FAM149A: variants seen among roughly 807,000 people sequenced by gnomAD.
FAM149A encodes the protein family with sequence similarity 149 member A.
Under a neutral mutation model 78.2 loss-of-function variants are expected in FAM149A, and 71 were observed. The observed-to-expected ratio is 0.91, with a 90% CI of 0.75 to 1.11. FAM149A has a LOEUF of 1.11. FAM149A is among the 50% of genes least tolerant of loss of function. The pLI is 0.00. For missense variants in FAM149A, 1,036 were observed against 971.0 expected (o/e 1.07, Z -0.89); for synonymous variants, 446 against 410.5 (o/e 1.09, Z -1.04).
At chr4:186,157,292 CT>C (rs1317738395) in intron 7 of FAM149A, among the ~76,000 whole-genome samples, 1 of 152,162 alleles carries the variant, frequency 6.6e-6, no homozygotes, top group African/African-American at 2.4e-5. Flanking sequence ...AAATCCTGTT[CT>C]TTTTCCAGTA....
rs1251930502 is a variant in FAM149A at position 186,133,230 on chromosome 4, T to C, written c.567-15943T>C. On this transcript the variant is annotated intron_variant, in intron 1 of 13. Coordinates refer to ENST00000389354, the MANE Select transcript of FAM149A (RefSeq NM_001367768.3). ...ATGAGACAGAATTTATTTTAACAAT[T>C]TTAAGTGTACCATTTAGTGGCATTA... is the stretch of plus-strand genomic sequence containing the variant. 3.1e-6 allele frequency: 3 copies of C among 978,778 alleles called. No homozygotes were observed. The East Asian group carries it at 3.4e-4, about 111-fold the overall frequency. 60.6% of individuals were successfully genotyped at this position (978,778 alleles called of 1,614,324 possible).
At chr4:186,131,610 A>G (rs2099320768) in intron 1 of FAM149A, among the ~76,000 whole-genome samples, 1 of 152,234 alleles carries the variant, frequency 6.6e-6, no homozygotes, top group Non-Finnish European at 1.5e-5. Context: ...TTTTCAATAA[A>G]TAGTGCGGAA....
At chr4:186,136,959 TCTCTTTCTCTCTCTCTTTC>T (rs1561396260) in intron 1 of FAM149A, among the ~76,000 whole-genome samples, 224 of 105,406 alleles carry the variant, frequency 2.1e-3, no homozygotes, top group Middle Eastern at 9.3e-3. Context: ...TCTCTCTCTC[TCTCTTTCTCTCTCTCTTTC>T]TCTCTCTCTC....
chr4:186,127,687 T>G (rs2099318909), intron 1 of FAM149A: 1 of 911,618 alleles, frequency 1.1e-6, no homozygotes, highest in African/African-American at 2.8e-5. Context: ...ATTCTGGTGG[T>G]TTTTGTTTTG....
chr4:186,159,990 ACT>A (rs1491081691), intron 8 of FAM149A, among the ~76,000 whole-genome samples: 5 of 146,250 alleles, frequency 3.4e-5, no homozygotes, highest in African/African-American at 1.3e-4. Context: ...ACACACACAC[ACT>A]GCACACATCC....
intron 13 of FAM149A, chr4:186,171,280 C>T (rs1735502473): frequency 6.6e-6 from 1 of 152,402 alleles, no homozygotes; most frequent in Non-Finnish European, 1.5e-5. Context: ...AGACGCACCG[C>T]TTCAGAGGAT....
intron 1 of FAM149A, among the ~76,000 whole-genome samples, chr4:186,116,163 G>GC (rs1397706431): frequency 9.3e-6 from 1 of 107,082 alleles, no homozygotes; most frequent in South Asian, 3.9e-4. Flanking sequence ...TTTTTCAGGT[G>GC]CGTCCGTCAC....
chr4:186,141,695 A>G (rs1269512077), intron 1 of FAM149A, among the ~76,000 whole-genome samples: 1 of 152,194 alleles, frequency 6.6e-6, no homozygotes, highest in Non-Finnish European at 1.5e-5. Context: ...AAACTGAAAA[A>G]TGGCCTCTGT....
At chr4:186,142,247 C>T (rs954547442) in intron 1 of FAM149A, among the ~76,000 whole-genome samples, 1 of 152,142 alleles carries the variant, frequency 6.6e-6, no homozygotes, top group African/African-American at 2.4e-5. Flanking sequence ...CTGGGGATGT[C>T]CTGGCTCTGT....
Position 186,163,422 on chromosome 4 carries a change from A to G in FAM149A, c.1680-2A>G. ...GAGTAGCTCACAGGATTTCCTTCCC[A>G]GGAATGAGAAGGAGGACAAAGCATC... On this transcript the variant is annotated splice_acceptor_variant, in intron 9 of 13. Coordinates refer to ENST00000389354, the MANE Select transcript of FAM149A (RefSeq NM_001367768.3). LOFTEE classifies it high-confidence loss of function. 3 of 1,612,726 alleles carry G rather than the reference A, an allele frequency of 1.9e-6. No homozygotes were observed. The highest frequency in any genetic ancestry group is 2.5e-6 in the Non-Finnish European group (3 of 1,179,544).
At chr4:186,151,743 G>C in intron 3 of FAM149A, 160 bp from the exon 4 acceptor site, 1 of 985,364 alleles carries the variant, frequency 1.0e-6, no homozygotes, top group Non-Finnish European at 1.2e-6. Context: ...AAAGGTAACA[G>C]CTAGAGCACA....
intron 1 of FAM149A, chr4:186,131,830 AAGTAAAAGTT>A: frequency 1.1e-6 from 1 of 938,060 alleles, no homozygotes; most frequent in Middle Eastern, 5.5e-4. Flanking sequence ...GCTAACCAAA[AAGTAAAAGTT>A]ACACTGCATT....
Position 186,147,112 on chromosome 4 carries a change from G to T in FAM149A, c.567-2061G>T, listed in dbSNP as rs543034042. ...ATAATAGCAGTGAGAGGACAGTGCG[G>T]TGGCTCATGCCTATAGTCCCAGCAG... On this transcript the variant is annotated intron_variant, in intron 1 of 13. Coordinates refer to ENST00000389354, the MANE Select transcript of FAM149A (RefSeq NM_001367768.3). Among the ~76,000 whole-genome samples, 4 of 152,342 alleles carry T rather than the reference G, an allele frequency of 2.6e-5. No individual in the cohort carries two copies. The South Asian group carries it at 8.3e-4, about 32-fold the overall frequency.
At chr4:186,137,438 G>A (rs547892203) in intron 1 of FAM149A, among the ~76,000 whole-genome samples, 189 of 152,154 alleles carry the variant, frequency 1.2e-3, no homozygotes, top group African/African-American at 4.2e-3. Context: ...TGCATGGTAC[G>A]CACTTTCTGT....
chr4:186,144,924 G>GGCGGGA lies in FAM149A; in HGVS notation c.567-4244_567-4243insAGCGGG, dbSNP rs1732888277. ...GCCGCCTGAGCTGGGCCAGCCGCGC[G>GGCGGGA]GCGGGCGCGGGCGCGGGCGCGGGCG... is the stretch of plus-strand genomic sequence containing the variant. On this transcript the variant is annotated intron_variant, in intron 1 of 13. Transcript: ENST00000389354. The surrounding 1 kb of genome is among the most constrained non-coding windows in gnomAD (Gnocchi z 4.2). The GGCGGGA allele has an allele frequency of 5.2e-6, 5 of 970,436 alleles. No individual in the cohort carries two copies. In the Admixed American group the frequency reaches 3.3e-4, roughly 63 times the overall value. 60.1% of individuals were successfully genotyped at this position (970,436 alleles called of 1,614,324 possible). A position where few individuals can be genotyped will look rare whatever the true frequency, so the allele number is the denominator to read the frequency against.
At chr4:186,131,887 T>C (rs1005576514) in intron 1 of FAM149A, 2 of 985,390 alleles carry the variant, frequency 2.0e-6, no homozygotes, top group Non-Finnish European at 2.4e-6. Flanking sequence ...ACAGACCATT[T>C]ACTGGAAGGT....
rs1265949938 is a variant in FAM149A, at chr4:186,151,917, C to T, written c.804C>T (p.Ala268=). 6.2e-7 allele frequency: 1 copy of T among 1,614,062 alleles called. No homozygotes were observed. ...TTTCTGTTTAGGAATTTGACGAAGC[C>T]AGTTCACAGTCAGTGCAGCGGTTAC... The change falls in exon 4 of 14, where the codon GCC becomes GCT. Residue 268 remains alanine, a synonymous_variant. Transcript: ENST00000389354.
chr4:186,128,528 G>A (rs1021382061), intron 1 of FAM149A, among the ~76,000 whole-genome samples: 32 of 151,678 alleles, frequency 2.1e-4, no homozygotes, highest in Admixed American at 1.7e-3. Flanking sequence ...CTTAGCTCAC[G>A]ATGCTTTCTT....
In FAM149A at chr4:186,164,419, G is replaced by T; in HGVS notation, c.1889+786G>T. On this transcript the variant is annotated intron_variant, in intron 10 of 13. Transcript: ENST00000389354. The surrounding 1 kb of genome is among the most constrained non-coding windows in gnomAD (Gnocchi z 4.0). The stretch of plus-strand genomic sequence containing the variant: ...CACCCACTGGACCCCCGGCCTGCAG[G>T]GGAGCTGTTATCAGGAGCCGAGCTC... The T allele has an allele frequency of 1.0e-6, 1 of 983,950 alleles. No individual in the cohort carries two copies. Among genetic ancestry groups the T allele is most frequent in the Non-Finnish European group, 1.2e-6 (1 of 828,610 alleles). The allele number at this position is 983,950 out of a possible 1,614,324, so 61.0% of individuals were successfully genotyped here.
Sources: gnomAD v4.1 joint callset for allele counts (sites outside exome capture counted in the v4.1 genomes callset) on GRCh38, gnomAD v4.1.1 for gene constraint, Gnocchi (gnomAD v3.1) non-coding constraint, MANE v1.5 for transcripts, NCBI Gene and HGNC (gene_info 2026-07-23, HGNC 2026-07-21) for gene names.